AKAP12: variants seen among roughly 807,000 people sequenced by gnomAD.
AKAP12 encodes the protein A-kinase anchoring protein 12, also known as A-kinase anchor protein 12.
AKAP12 carries 32 observed loss-of-function variants against 79.9 expected under a neutral mutation model. The observed-to-expected ratio is 0.40, with a 90% CI of 0.30 to 0.54. The LOEUF is 0.54. Ranked by LOEUF, AKAP12 falls within the 20% of genes least tolerant of loss-of-function variation. The probability of loss-of-function intolerance (pLI) is 0.48; values close to 1 mark genes in which losing one functional copy is unlikely to be tolerated. For missense variants in AKAP12, 2,074 were observed against 2,177.0 expected (o/e 0.95, Z 0.94); for synonymous variants, 808 against 857.0 (o/e 0.94, Z 1.00).
At chr6:151,330,051 G>A (rs1311903298) in intron 3 of AKAP12, among the ~76,000 whole-genome samples, 2 of 152,188 alleles carry the variant, frequency 1.3e-5, no homozygotes, top group Non-Finnish European at 2.9e-5. Flanking sequence ...GACTGGGCAC[G>A]GTGGCTTATG....
At chr6:151,285,674 C>A (rs184970495) in intron 2 of AKAP12, among the ~76,000 whole-genome samples, 164 of 152,020 alleles carry the variant, frequency 1.1e-3, no homozygotes, top group Non-Finnish European at 1.8e-3. Flanking sequence ...CACAGTCTAT[C>A]ATTTGGGTGA....
At chr6:151,274,504 G>C (rs1449307161) in intron 2 of AKAP12, among the ~76,000 whole-genome samples, 1 of 152,298 alleles carries the variant, frequency 6.6e-6, no homozygotes, top group South Asian at 2.1e-4. Context: ...GAAACATTTT[G>C]TTGGGAATGT....
chr6:151,343,574 A>G (rs1434819442), intron 3 of AKAP12, among the ~76,000 whole-genome samples: 1 of 152,208 alleles, frequency 6.6e-6, no homozygotes, highest in Admixed American at 6.5e-5. Context: ...ACCTGAGGTC[A>G]GGAGTTTGAA....
intron 2 of AKAP12, among the ~76,000 whole-genome samples, chr6:151,273,111 G>GTAAT (rs1776223059): frequency 6.6e-6 from 1 of 151,824 alleles, no homozygotes; most frequent in South Asian, 2.1e-4. Context: ...GTTTCACCGT[G>GTAAT]GTAGCCAGGA....
intron 3 of AKAP12, chr6:151,325,553 T>G: frequency 7.9e-7 from 1 of 1,259,832 alleles, no homozygotes. Flanking sequence ...CGGGGAAGTT[T>G]GCGCTCCCGA....
At chr6:151,322,656 A>G (rs1345473829) in intron 3 of AKAP12, among the ~76,000 whole-genome samples, 1 of 144,596 alleles carries the variant, frequency 6.9e-6, no homozygotes, top group Non-Finnish European at 1.5e-5. Context: ...CTCCAAGGCT[A>G]CCTCAGAGGT....
chr6:151,282,608 G>A (rs1296846837), intron 2 of AKAP12, among the ~76,000 whole-genome samples: 1 of 152,178 alleles, frequency 6.6e-6, no homozygotes, highest in Admixed American at 6.5e-5. Flanking sequence ...TGCCCTTTTG[G>A]TTGCTGCGGG....
chr6:151,323,249 T>A (rs1026442448), intron 3 of AKAP12, among the ~76,000 whole-genome samples: 1 of 152,092 alleles, frequency 6.6e-6, no homozygotes, highest in African/African-American at 2.4e-5. Flanking sequence ...TTTAATTGCC[T>A]CTTTAAGAAT....
Position 151,352,897 on chromosome 6 carries a change from A to G in AKAP12, c.4506A>G (p.Gly1502=). 1 of 1,614,204 alleles carries G rather than the reference A, an allele frequency of 6.2e-7. No individual in the cohort carries two copies. Among genetic ancestry groups the G allele is most frequent in the East Asian group, 2.2e-5 (1 of 44,878 alleles). ...AAGGCTTAAGTTCCGACCTGGAAGG[A>G]GAGAAAACCACATCACTGAAGTGGA... ...TKKGLSSDLE[G]EKTTSLKWKS... The change falls in exon 4 of 5, where the codon GGA becomes GGG. Residue 1502 remains glycine (G), a synonymous_variant. Transcript: ENST00000402676.
At chr6:151,348,324 C>CAA (rs3029381) in intron 3 of AKAP12, 1,941 of 393,784 alleles carry the variant, frequency 4.9e-3, no homozygotes, top group East Asian at 0.01. Context: ...GACTCTGTCT[C>CAA]AAAAAAAAAA....
At chr6:151,294,007 C>T (rs547532635) in intron 2 of AKAP12, among the ~76,000 whole-genome samples, 1 of 151,102 alleles carries the variant, frequency 6.6e-6, no homozygotes, top group African/African-American at 2.4e-5. Flanking sequence ...CGAGGTCTTG[C>T]TCTGTTGCCG....
At position 151,332,257 on chromosome 6, in the gene AKAP12, C is replaced by T. The variant is rs544014801; in HGVS notation, c.320-16454C>T. 1.1e-4 allele frequency among the ~76,000 whole-genome samples: 17 copies of T among 151,956 alleles called. No individual in the cohort carries two copies. The East Asian group carries it at 2.9e-3, about 26-fold the overall frequency. ...TTCACCGTGTTAGCCAGGATGGTCT[C>T]GATCTCCTGACCTCGTGATCCGCCC... On this transcript the variant is annotated intron_variant, in intron 3 of 4. Coordinates refer to ENST00000402676, the MANE Select transcript of AKAP12 (RefSeq NM_005100.4).
At chr6:151,340,302 A>G (rs1777915853) in intron 3 of AKAP12, among the ~76,000 whole-genome samples, 1 of 149,648 alleles carries the variant, frequency 6.7e-6, no homozygotes, top group African/African-American at 2.5e-5. Context: ...TTATCCACTC[A>G]CTTATTGAAG....
At chr6:151,319,437 G>GTGTC (rs796269316) in intron 3 of AKAP12, among the ~76,000 whole-genome samples, 248 of 113,864 alleles carry the variant, frequency 2.2e-3, no homozygotes, top group Non-Finnish European at 3.0e-3. Context: ...TAAAAGACAG[G>GTGTC]TGTCTGTCTA....
intron 3 of AKAP12, among the ~76,000 whole-genome samples, chr6:151,332,656 G>T (rs1167999147): frequency 2.0e-5 from 3 of 152,344 alleles, no homozygotes; most frequent in African/African-American, 7.2e-5. Flanking sequence ...TATGTGGCCT[G>T]TTGGAAGGAT....
intron 3 of AKAP12, among the ~76,000 whole-genome samples, chr6:151,312,811 A>AG (rs1777146820): frequency 6.6e-6 from 1 of 150,684 alleles, no homozygotes; most frequent in African/African-American, 2.4e-5. Flanking sequence ...AAAAAAAAAA[A>AG]GAATCATGAG....
intron 2 of AKAP12, among the ~76,000 whole-genome samples, chr6:151,263,360 T>G (rs1477201765): frequency 6.6e-6 from 1 of 152,072 alleles, no homozygotes; most frequent in Non-Finnish European, 1.5e-5. Flanking sequence ...TGACTCTCAC[T>G]ATGATTTTGT....
At chr6:151,322,143 C>G (rs192055400) in intron 3 of AKAP12, among the ~76,000 whole-genome samples, 1 of 151,896 alleles carries the variant, frequency 6.6e-6, no homozygotes, top group African/African-American at 2.4e-5. Context: ...CTCCTGATCT[C>G]GTGATCTGCC....
In AKAP12 at chr6:151,341,656, C is replaced by T. The variant is rs1301673536; in HGVS notation, c.320-7055C>T. ...GGGCTGCCCCTGCCGGCGGGCTGCG[C>T]GCGCCATGCCCTGGTGGAGTAAACT... On this transcript the variant is annotated intron_variant, in intron 3 of 4. Coordinates refer to ENST00000402676, the MANE Select transcript of AKAP12 (RefSeq NM_005100.4). The T allele has an allele frequency of 4.5e-6, 5 of 1,120,236 alleles. No individual in the cohort carries two copies. The African/African-American group carries it at 8.5e-5, about 19-fold the overall frequency. The allele number at this position is 1,120,236 out of a possible 1,614,324, so 69.4% of individuals were successfully genotyped here.
Sources: allele counts gnomAD v4.1 joint callset (sites outside exome capture counted in the v4.1 genomes callset), GRCh38; gene constraint gnomAD v4.1.1; transcripts MANE v1.5; gene names NCBI Gene and HGNC (gene_info 2026-07-23, HGNC 2026-07-21).